SLC24A3: variants seen among roughly 807,000 people sequenced by gnomAD.
SLC24A3 encodes sodium/potassium/calcium exchanger 3.
In SLC24A3, 28 loss-of-function variants were observed where a neutral mutation model predicts 75.8. That is an observed-to-expected ratio of 0.37 (90% CI 0.27 to 0.51). The LOEUF (loss-of-function observed/expected upper bound fraction) is 0.51. SLC24A3 is among the 20% of genes least tolerant of loss of function. The pLI, the probability that SLC24A3 is intolerant of heterozygous loss-of-function variation, is 0.94. For synonymous variants in SLC24A3, 372 were observed against 334.1 expected, an observed-to-expected ratio of 1.11 and a Z score of -1.24; for missense variants, 663 against 847.8, an observed-to-expected ratio of 0.78 and a Z score of 2.71.
chr20:19,395,661 C>T (rs936850732), intron 2 of SLC24A3, among the ~76,000 whole-genome samples: 1 of 152,112 alleles, frequency 6.6e-6, no homozygotes, highest in Non-Finnish European at 1.5e-5. Flanking sequence ...CAGAACACTG[C>T]GGGAGCCAGA....
rs547951550 is a variant in SLC24A3 at position 19,223,684 on chromosome 20, C to G, written c.142+10700C>G. 2.6e-5 allele frequency among the ~76,000 whole-genome samples: 4 copies of G among 151,528 alleles called. No individual in the cohort carries two copies. The Admixed American group carries it at 2.6e-4, about 10-fold the overall frequency. ...ATGAGAATGTGGTCGCTCCTTCTCTCTCAAAATATCTTCTTGTACTGTGCT... is the reference window on the plus strand; with the variant it reads ...ATGAGAATGTGGTCGCTCCTTCTCTGTCAAAATATCTTCTTGTACTGTGCT... On this transcript the variant is annotated intron_variant, in intron 1 of 16. Transcript: ENST00000328041.
chr20:19,621,643 T>A lies in SLC24A3; in HGVS notation c.613-32419T>A, dbSNP rs575756711. On this transcript the variant is annotated intron_variant, in intron 6 of 16. Transcript: ENST00000328041. ...TGCACATGGATCACTGGGGATCGGG[T>A]TAAAATGCAGATTCTAATTTGAAAG... 3.3e-5 allele frequency among the ~76,000 whole-genome samples: 5 copies of A among 152,246 alleles called. No individual in the cohort carries two copies. The East Asian group carries it at 9.6e-4, about 29-fold the overall frequency.
At chr20:19,407,160 G>C (rs1018147059) in intron 2 of SLC24A3, among the ~76,000 whole-genome samples, 1 of 152,192 alleles carries the variant, frequency 6.6e-6, no homozygotes, top group African/African-American at 2.4e-5. Flanking sequence ...CATTAATCCA[G>C]AGACGATGGA....
At chr20:19,681,359 A>G (rs747649460) in intron 9 of SLC24A3, among the ~76,000 whole-genome samples, 5 of 152,226 alleles carry the variant, frequency 3.3e-5, no homozygotes, top group Non-Finnish European at 7.3e-5. Flanking sequence ...TAGACGGCCA[A>G]CCGGACTGTA....
Position 19,700,787 on chromosome 20 carries a change from A to G in SLC24A3, c.1719+2107A>G, listed in dbSNP as rs1208814110. ...CTTCAAGGTGACCTATTATTACAGT[A>G]TATTCCAAAGTGTACTTAATCATGC... On this transcript the variant is annotated intron_variant, in intron 15 of 16. Coordinates refer to ENST00000328041, the MANE Select transcript of SLC24A3 (RefSeq NM_020689.4). Among the ~76,000 whole-genome samples the G allele has an allele frequency of 2.6e-5, 4 of 152,328 alleles. No homozygotes were observed. The East Asian group carries it at 7.7e-4, about 29-fold the overall frequency.
rs1048224568 is a variant in SLC24A3 at position 19,577,610 on chromosome 20, A to G, written c.349-2390A>G. ...ATAAAATACAGATAGAGTCACACCA[A>G]CTGAGAGAGAAATGTAGCCACTATT... On this transcript the variant is annotated intron_variant, in intron 3 of 16. Transcript: ENST00000328041. Among the ~76,000 whole-genome samples, 12 of 152,342 alleles carry G rather than the reference A, an allele frequency of 7.9e-5. No individual in the cohort carries two copies. The South Asian group carries it at 1.0e-3, about 13-fold the overall frequency.
At chr20:19,717,161 AG>A (rs1283035662) in intron 15 of SLC24A3, among the ~76,000 whole-genome samples, 22 of 152,222 alleles carry the variant, frequency 1.4e-4, no homozygotes, top group Non-Finnish European at 2.9e-4. Flanking sequence ...GGTTTGAGAA[AG>A]TAAAAGTTCC....
In SLC24A3 at chr20:19,223,107, A is replaced by G. The variant is rs112542952; in HGVS notation, c.142+10123A>G. ...CAGGAGTTCGAGATCAGCCTGTCCA[A>G]CCTGGTGAAACCCTGTCTCTACTAA... On this transcript the variant is annotated intron_variant, in intron 1 of 16. Transcript: ENST00000328041. 5.4e-3 allele frequency among the ~76,000 whole-genome samples: 819 copies of G among 152,174 alleles called. 6 individuals carry two copies. Among genetic ancestry groups the G allele is most frequent in the Middle Eastern group, 0.017 (5 of 294 alleles).
At chr20:19,501,258 T>C (rs1327922860) in intron 2 of SLC24A3, among the ~76,000 whole-genome samples, 1 of 152,232 alleles carries the variant, frequency 6.6e-6, no homozygotes, top group African/African-American at 2.4e-5. Context: ...ATGGTATTTA[T>C]CATTTTCATC....
Position 19,689,299 on chromosome 20 carries a change from T to C in SLC24A3, c.1324+3938T>C, listed in dbSNP as rs200176488. On this transcript the variant is annotated intron_variant, in intron 12 of 16. Coordinates refer to ENST00000328041, the MANE Select transcript of SLC24A3 (RefSeq NM_020689.4). ...AAATACTGTGCAATAACTTTTTCTC[T>C]CTTTGATAGAATTCAGCTTTCTTCA... Among the ~76,000 whole-genome samples the C allele has an allele frequency of 7.2e-5, 11 of 152,382 alleles. No homozygotes were observed. The East Asian group carries it at 1.9e-3, about 27-fold the overall frequency.
intron 3 of SLC24A3, among the ~76,000 whole-genome samples, chr20:19,539,456 G>T (rs373644581): frequency 7.2e-5 from 11 of 152,200 alleles, no homozygotes; most frequent in African/African-American, 2.7e-4. Flanking sequence ...AGTCTCTGGA[G>T]CCAGCCTGCC....
Position 19,501,971 on chromosome 20 carries a change from G to A in SLC24A3, c.272-13517G>A, listed in dbSNP as rs6046149. ...TAATGTGGCTAAGGGCAAGTTTGGG[G>A]AATCTTTAATGTGAATTTGGTTTGC... On this transcript the variant is annotated intron_variant, in intron 2 of 16. Transcript: ENST00000328041. Among the ~76,000 whole-genome samples, 602 of 152,188 alleles carry A rather than the reference G, an allele frequency of 4.0e-3. 4 individuals are homozygous for A. The highest frequency in any genetic ancestry group is 0.023 in the East Asian group (120 of 5,170).
chr20:19,413,683 T>G (rs1424447267), intron 2 of SLC24A3, among the ~76,000 whole-genome samples: 3 of 152,190 alleles, frequency 2.0e-5, no homozygotes, highest in South Asian at 2.1e-4. Context: ...CTAAAACAGG[T>G]AAGCAGAAGG....
At chr20:19,543,802 A>G (rs1444472059) in intron 3 of SLC24A3, among the ~76,000 whole-genome samples, 1 of 152,254 alleles carries the variant, frequency 6.6e-6, no homozygotes, top group Non-Finnish European at 1.5e-5. Context: ...AAAGGATAGC[A>G]AAACTCTGAA....
Position 19,370,811 on chromosome 20 carries a change from G to T in SLC24A3, c.271+89724G>T, listed in dbSNP as rs112133706. Among the ~76,000 whole-genome samples, 468 of 152,254 alleles carry T rather than the reference G, an allele frequency of 3.1e-3. 3 individuals are homozygous for T. The highest frequency in any genetic ancestry group is 0.01 in the African/African-American group (421 of 41,538). ...ACAGGTTGAAGACTTCATCATGGGA[G>T]TTCTCACAGTATTGTGGCTCTGGTT... On this transcript the variant is annotated intron_variant, in intron 2 of 16. Transcript: ENST00000328041.
At chr20:19,249,238 G>A (rs1405674992) in intron 1 of SLC24A3, among the ~76,000 whole-genome samples, 1 of 152,142 alleles carries the variant, frequency 6.6e-6, no homozygotes, top group Non-Finnish European at 1.5e-5. Flanking sequence ...CTTACCAAGA[G>A]TAGTTTGAAC....
chr20:19,558,917 G>T (rs1208684746), intron 3 of SLC24A3, among the ~76,000 whole-genome samples: 1 of 152,124 alleles, frequency 6.6e-6, no homozygotes, highest in African/African-American at 2.4e-5. Flanking sequence ...CCTGGTTTGG[G>T]GGTATTATGA....
At chr20:19,339,890 A>G (rs1347986817) in intron 2 of SLC24A3, among the ~76,000 whole-genome samples, 2 of 152,256 alleles carry the variant, frequency 1.3e-5, no homozygotes, top group Admixed American at 6.5e-5. Context: ...AGTGAGTTCC[A>G]TATAATCTGC....
rs892015612 is a variant in SLC24A3 at position 19,396,828 on chromosome 20, A to C, written c.271+115741A>C. The stretch of plus-strand genomic sequence containing the variant: ...AATCACGGTAATTAGTGCCAGAAAA[A>C]AAAATGTGTCAAAGCATGCATGCAG... On this transcript the variant is annotated intron_variant, in intron 2 of 16. Coordinates refer to ENST00000328041, the MANE Select transcript of SLC24A3 (RefSeq NM_020689.4). 1.1e-4 allele frequency among the ~76,000 whole-genome samples: 16 copies of C among 152,336 alleles called. No homozygotes were observed. In the South Asian group the frequency reaches 3.1e-3, roughly 30 times the overall value.
Sources: allele counts gnomAD v4.1 joint callset (sites outside exome capture counted in the v4.1 genomes callset), GRCh38; gene constraint gnomAD v4.1.1; transcripts MANE v1.5; gene names NCBI Gene and HGNC (gene_info 2026-07-23, HGNC 2026-07-21).